Variants in ZNF491 observed in about 807,000 individuals in gnomAD.
ZNF491 encodes the protein zinc finger protein 491.
A neutral mutation model predicts 34.7 loss-of-function variants in ZNF491; 22 were observed. That is an observed-to-expected ratio of 0.63 (90% confidence interval 0.45 to 0.90). ZNF491 has a LOEUF of 0.90. Ranked by LOEUF, ZNF491 falls within the 40% of genes least tolerant of loss-of-function variation. The probability of loss-of-function intolerance (pLI) is 0.00; values close to 1 mark genes in which losing one functional copy is unlikely to be tolerated. For missense variants in ZNF491, 559 were observed against 531.7 expected, an observed-to-expected ratio of 1.05 and a Z score of -0.51; for synonymous variants, 148 against 174.3, an observed-to-expected ratio of 0.85 and a Z score of 1.19.
At chr19:11,804,487 GC>G (rs1975588786) in intron 1 of ZNF491, 54 bp from the exon 2 acceptor site, 1 of 1,476,286 alleles carries the variant, frequency 6.8e-7, no homozygotes. Flanking sequence ...TAGAGTCTAG[GC>G]CCCCAGTGCT....
rs1247308806 is a variant in ZNF491 at position 11,798,578 on chromosome 19, T to G, written c.-283T>G. 1 of 152,326 alleles carries G rather than the reference T, an allele frequency of 6.6e-6. No homozygotes were observed. The highest frequency in any genetic ancestry group is 1.5e-5 in the Non-Finnish European group (1 of 68,144). The allele number at this position is 152,326 out of a possible 1,614,324, so 9.4% of individuals were successfully genotyped here. A position where few individuals can be genotyped will look rare whatever the true frequency, so the allele number is the denominator to read the frequency against. The stretch of plus-strand genomic sequence containing the variant: ...ACTCAGAGTCTCTGCACTCCTTTGT[T>G]GCTGGGGTCCGTTGCGTTCTGCATC... On this transcript the variant is annotated 5_prime_UTR_variant, in exon 1 of 3. Coordinates refer to ENST00000323169, the MANE Select transcript of ZNF491 (RefSeq NM_152356.4). The surrounding 1 kb of genome is among the most constrained non-coding windows in gnomAD (Gnocchi z 4.0).
In ZNF491 at chr19:11,806,324, C is replaced by T. The variant is rs370609725; in HGVS notation, c.371C>T (p.Thr124Met). 2.9e-5 allele frequency: 46 copies of T among 1,610,768 alleles called. 1 individual carries two copies. Among genetic ancestry groups the T allele is most frequent in the East Asian group, 1.1e-4 (5 of 44,876 alleles). Residue 124 changes from threonine (T) to methionine (M), a missense_variant, in exon 3 of 3, where the codon ACG becomes ATG. Thr to Met is a moderately conservative substitution (Grantham distance 81). Transcript: ENST00000323169. ...GCAAGCATTCGAAGATATATGGTAA[C>T]GCACAGTGGAGATGGACCTTATAAA... Reference protein sequence around the residue: ...SPASIRRYMVTHSGDGPYKCK... With the variant: ...SPASIRRYMVMHSGDGPYKCK...
At position 11,807,528 on chromosome 19, in the gene ZNF491, C is replaced by T. The variant is rs1975632307; in HGVS notation, c.*261C>T. On this transcript the variant is annotated 3_prime_UTR_variant, in exon 3 of 3. Transcript: ENST00000323169. Reference sequence around the variant, plus strand: ...AGCCAAATTCACATGGGCTGTGTGGCCCCCTGATTCTAGCCCATTTTCCTG... The same window carrying T: ...AGCCAAATTCACATGGGCTGTGTGGTCCCCTGATTCTAGCCCATTTTCCTG... 2.8e-6 allele frequency: 1 copy of T among 360,696 alleles called. No individual in the cohort carries two copies. The highest frequency in any genetic ancestry group is 2.1e-5 in the African/African-American group (1 of 47,466). The allele number at this position is 360,696 out of a possible 1,614,324, so 22.3% of individuals were successfully genotyped here. A position where few individuals can be genotyped will look rare whatever the true frequency, so the allele number is the denominator to read the frequency against.
intron 1 of ZNF491, chr19:11,799,428 AT>A (rs1975534051): frequency 6.6e-6 from 1 of 151,724 alleles, no homozygotes; most frequent in Non-Finnish European, 1.5e-5. Flanking sequence ...AACGTTTTTT[AT>A]ACAAGGCTAG....
chr19:11,803,851 A>T (rs1975579685), intron 1 of ZNF491, among the ~76,000 whole-genome samples: 1 of 152,192 alleles, frequency 6.6e-6, no homozygotes, highest in Non-Finnish European at 1.5e-5. Flanking sequence ...CACTAAGTCC[A>T]GCACAGGTCC....
intron 1 of ZNF491, among the ~76,000 whole-genome samples, chr19:11,799,970 A>T (rs971033060): frequency 6.6e-6 from 1 of 151,846 alleles, no homozygotes; most frequent in Admixed American, 6.6e-5. Context: ...CCGCTTCTGT[A>T]GTTAGTCTGG....
intron 1 of ZNF491, among the ~76,000 whole-genome samples, chr19:11,801,231 T>C (rs1975556148): frequency 6.6e-6 from 1 of 152,136 alleles, no homozygotes; most frequent in Non-Finnish European, 1.5e-5. Flanking sequence ...TATGAATATT[T>C]TTTATGAGAG....
intron 1 of ZNF491, among the ~76,000 whole-genome samples, chr19:11,801,882 T>C (rs899458690): frequency 6.6e-5 from 10 of 152,288 alleles, no homozygotes; most frequent in African/African-American, 1.9e-4. Flanking sequence ...ATAAATAATA[T>C]CCTGTTGTAT....
At chr19:11,800,673 G>A (rs542965229) in intron 1 of ZNF491, among the ~76,000 whole-genome samples, 34 of 152,072 alleles carry the variant, frequency 2.2e-4, no homozygotes, top group Admixed American at 4.6e-4. Flanking sequence ...GGCATGTGCC[G>A]ACATGCCCGG....
Position 11,806,300 on chromosome 19 carries a change from C to A in ZNF491, c.347C>A (p.Ala116Glu). 1 of 1,605,230 alleles carries A rather than the reference C, an allele frequency of 6.2e-7. No homozygotes were observed. Among genetic ancestry groups the A allele is most frequent in the Non-Finnish European group, 8.5e-7 (1 of 1,177,434 alleles). ...TGTGAAAAATCTTTCATTTCTCCTG[C>A]AAGCATTCGAAGATATATGGTAACG... The part of the protein sequence containing the change: ...KECEKSFISP[A>E]SIRRYMVTHS... Residue 116 changes from alanine (A) to glutamate (E), a missense_variant, in exon 3 of 3, where the codon GCA (alanine) becomes GAA (glutamate). Transcript: ENST00000323169.
In ZNF491 at chr19:11,807,184, T is replaced by C; in HGVS notation, c.1231T>C (p.Tyr411His). 2 of 1,600,330 alleles carry C rather than the reference T, an allele frequency of 1.2e-6. No homozygotes were observed. Among genetic ancestry groups the C allele is most frequent in the Non-Finnish European group, 8.5e-7 (1 of 1,175,002 alleles). Reference sequence around the variant, plus strand: ...AAGAATTCACACTGGAGAGAAACCTTACCAATGTAAGGAATGTGGGAAAGC... The same window carrying C: ...AAGAATTCACACTGGAGAGAAACCTCACCAATGTAAGGAATGTGGGAAAGC... ...HERIHTGEKPYQCKECGKAFI... is the reference protein window; with the variant it reads ...HERIHTGEKPHQCKECGKAFI... The change falls in exon 3 of 3, where the codon TAC becomes CAC. Residue 411 changes from tyrosine to histidine, a missense_variant. Physicochemically the swap from Tyr to His is moderately conservative, Grantham distance 83 (BLOSUM62 2). Transcript: ENST00000323169.
chr19:11,805,691 T>TA (rs1975602266), intron 2 of ZNF491, among the ~76,000 whole-genome samples: 2 of 151,872 alleles, frequency 1.3e-5, no homozygotes, highest in African/African-American at 4.8e-5. Flanking sequence ...CTACCAAAAA[T>TA]AAAAAATTAG....
At chr19:11,804,494 G>C (rs1975588910) in intron 1 of ZNF491, 48 bp from the exon 2 acceptor site, 2 of 1,488,982 alleles carry the variant, frequency 1.3e-6, no homozygotes, top group East Asian at 5.4e-5. Flanking sequence ...TAGGCCCCCA[G>C]TGCTGTCACT....
At chr19:11,805,124 C>T (rs1413494278) in intron 2 of ZNF491, among the ~76,000 whole-genome samples, 8 of 152,160 alleles carry the variant, frequency 5.3e-5, no homozygotes, top group Non-Finnish European at 1.2e-4. Flanking sequence ...TATTAAGAAA[C>T]CTCAGCTGGC....
intron 1 of ZNF491, among the ~76,000 whole-genome samples, chr19:11,803,750 G>A (rs1487693227): frequency 1.3e-5 from 2 of 152,186 alleles, no homozygotes; most frequent in African/African-American, 4.8e-5. Context: ...CAGTAACCTT[G>A]ATCACTTGAT....
At chr19:11,804,690 C>T (rs1966579503) in intron 2 of ZNF491, 23 bp downstream of exon 2, 6 of 1,161,680 alleles carry the variant, frequency 5.2e-6, no homozygotes, top group South Asian at 2.1e-5. Context: ...ATATTACCTC[C>T]CTCAGTGAAT....
rs910259055 is a variant in ZNF491 at position 11,798,602 on chromosome 19, T to G, written c.-259T>G. The G allele has an allele frequency of 6.6e-6, 1 of 152,482 alleles. No individual in the cohort carries two copies. The highest frequency in any genetic ancestry group is 2.4e-5 in the African/African-American group (1 of 41,450). 9.4% of individuals were successfully genotyped at this position (152,482 alleles called of 1,614,324 possible). On this transcript the variant is annotated 5_prime_UTR_variant, in exon 1 of 3. Transcript: ENST00000323169. The surrounding 1 kb of genome is among the most constrained non-coding windows in gnomAD (Gnocchi z 4.0). ...TTGCTGGGGTCCGTTGCGTTCTGCA[T>G]CCAGTCCTTGCTGCTCCGAGAGGCC...
rs111847177 is a variant in ZNF491 at position 11,799,448 on chromosome 19, G to A, written c.-134+721G>A. On this transcript the variant is annotated intron_variant, in intron 1 of 2. Transcript: ENST00000323169. ...TTTTTATACAAGGCTAGTTTGTGAG[G>A]CACAACAATTTAATCAGAGTTTGGC... Among the ~76,000 whole-genome samples, 807 of 150,426 alleles carry A rather than the reference G, an allele frequency of 5.4e-3. 9 individuals carry two copies. The highest frequency in any genetic ancestry group is 0.018 in the African/African-American group (754 of 40,856).
chr19:11,806,264 ATTG>A lies in ZNF491; in HGVS notation c.313_315del (p.Cys105del), dbSNP rs758254455. The A allele has an allele frequency of 6.8e-6, 11 of 1,607,324 alleles. No homozygotes were observed. In the South Asian group the frequency reaches 1.2e-4, roughly 18 times the overall value. On this transcript the variant is annotated inframe_deletion, in exon 3 of 3. Transcript: ENST00000323169. Reference sequence around the variant, plus strand: ...CCTCACACTAGAGAGAAACCTTTTGATTGTAAGGAATGTGAAAAATCTTTCATT... The same window carrying A: ...CCTCACACTAGAGAGAAACCTTTTGATAAGGAATGTGAAAAATCTTTCATT...
Sources: allele counts gnomAD v4.1 joint callset (sites outside exome capture counted in the v4.1 genomes callset), GRCh38; gene constraint gnomAD v4.1.1; non-coding constraint Gnocchi (gnomAD v3.1); transcripts MANE v1.5; gene names NCBI Gene and HGNC (gene_info 2026-07-23, HGNC 2026-07-21).